Variants in NMRK1 observed in about 807,000 individuals in gnomAD.
NMRK1 encodes the protein nicotinamide riboside kinase 1, also known as NRK 1.
NMRK1 carries 28 observed loss-of-function variants against 29.9 expected under a neutral mutation model. The observed-to-expected ratio is 0.94, with a 90% CI of 0.69 to 1.28. NMRK1 has a LOEUF of 1.28. NMRK1 is among the 50% of genes most tolerant of loss of function. NMRK1 has a pLI of 0.00. For synonymous variants in NMRK1, 58 were observed against 73.0 expected (o/e 0.79, Z 1.05); for missense variants, 218 against 233.1 (o/e 0.94, Z 0.42).
rs184820303 is a variant in NMRK1 at position 75,070,014 on chromosome 9, C to A, written c.198G>T (p.Met66Ile). ...DVLEALNMEK[M>I]MSAISCWMES... ...CCATCCAGCAGGAAATGGCTGACATCATTTTTTCCATGTTAAGTGCTTCAA... is the reference window on the plus strand; with the variant it reads ...CCATCCAGCAGGAAATGGCTGACATAATTTTTTCCATGTTAAGTGCTTCAA... Residue 66 changes from methionine (M) to isoleucine (I), a missense_variant, in exon 5 of 9, where the codon ATG becomes ATT. Physicochemically the swap from Met to Ile is conservative, Grantham distance 10. Transcript: ENST00000361092. The A allele has an allele frequency of 5.0e-6, 8 of 1,613,498 alleles. No homozygotes were observed. Among genetic ancestry groups the A allele is most frequent in the South Asian group, 1.1e-5 (1 of 90,864 alleles).
chr9:75,061,656 G>T, intron 8 of NMRK1, 89 bp from the exon 9 acceptor site: 1 of 1,126,766 alleles, frequency 8.9e-7, no homozygotes, highest in Non-Finnish European at 1.3e-6. Flanking sequence ...ATCTAAGGAT[G>T]TTTAAATTAG....
intron 4 of NMRK1, among the ~76,000 whole-genome samples, chr9:75,076,584 T>G (rs1824001318): frequency 6.6e-6 from 1 of 152,222 alleles, no homozygotes; most frequent in Non-Finnish European, 1.5e-5. Context: ...GTTTTATTAT[T>G]TCATTTTAAA....
At chr9:75,065,412 G>C (rs1427120351) in intron 8 of NMRK1, among the ~76,000 whole-genome samples, 3 of 152,102 alleles carry the variant, frequency 2.0e-5, no homozygotes, top group African/African-American at 7.2e-5. Context: ...ATCATGATCT[G>C]TCTGCCTCGG....
intron 4 of NMRK1, among the ~76,000 whole-genome samples, chr9:75,076,793 A>G (rs1824014885): frequency 6.6e-6 from 1 of 152,050 alleles, no homozygotes; most frequent in African/African-American, 2.4e-5. Context: ...GAATCTCCCT[A>G]TGTTGCTCAG....
chr9:75,067,112 G>C, intron 7 of NMRK1: 1 of 288,184 alleles, frequency 3.5e-6, no homozygotes, highest in Non-Finnish European at 6.5e-6. Flanking sequence ...AAGAAAGGAG[G>C]AAAGAAACAG....
rs760017002 is a variant in NMRK1 at position 75,069,750 on chromosome 9, C to G, written c.381G>C (p.Arg127Ser). The change falls in exon 6 of 9, where the codon AGG (arginine) becomes AGC (serine). Residue 127 changes from arginine (R) to serine (S), a missense_variant. Arg to Ser is a moderately radical substitution (Grantham distance 110). Transcript: ENST00000361092. The part of the protein sequence containing the change: ...FLTIPYEECK[R>S]RRSTRVYQPP... The stretch of plus-strand genomic sequence containing the variant: ...ATGGCTTCAAAACTTACCTCCTCCT[C>G]CTTTTACATTCTTCATATGGAATAG... The G allele has an allele frequency of 2.4e-5, 39 of 1,610,438 alleles. No individual in the cohort carries two copies. The highest frequency in any genetic ancestry group is 2.0e-4 in the East Asian group (9 of 44,870).
intron 6 of NMRK1, chr9:75,069,418 T>C (rs1000245505): frequency 2.1e-6 from 1 of 468,666 alleles, no homozygotes; most frequent in East Asian, 3.9e-5. Flanking sequence ...GATTAAGCTT[T>C]GAACTAATTG....
intron 2 of NMRK1, chr9:75,078,226 C>G: frequency 6.7e-7 from 1 of 1,503,504 alleles, no homozygotes. Flanking sequence ...ATGAGTAGCA[C>G]ATTTTAGTGC....
chr9:75,067,288 C>G lies in NMRK1; in HGVS notation c.497-448G>C, dbSNP rs531087894. The G allele has an allele frequency of 1.0e-3, 159 of 156,108 alleles. 1 individual carries two copies. The highest frequency in any genetic ancestry group is 3.8e-3 in the African/African-American group (156 of 41,502). The allele number at this position is 156,108 out of a possible 1,614,324, so 9.7% of individuals were successfully genotyped here. ...GGGATCTGCAACATATGTACAAACT[C>G]AGAATTCACCAGGCTCAGAAAATAT... is the stretch of plus-strand genomic sequence containing the variant. On this transcript the variant is annotated intron_variant, in intron 7 of 8. Coordinates refer to ENST00000361092, the MANE Select transcript of NMRK1 (RefSeq NM_017881.3).
intron 1 of NMRK1, among the ~76,000 whole-genome samples, chr9:75,087,151 C>A (rs1824704046): frequency 6.6e-6 from 1 of 152,088 alleles, no homozygotes; most frequent in South Asian, 2.1e-4. Flanking sequence ...GTGATCCACC[C>A]GCCTTGCCCT....
At chr9:75,068,139 C>T (rs1253442439) in intron 7 of NMRK1, among the ~76,000 whole-genome samples, 1 of 152,122 alleles carries the variant, frequency 6.6e-6, no homozygotes, top group Non-Finnish European at 1.5e-5. Context: ...TGTCATCTTC[C>T]CGCCCCCTCC....
Position 75,066,767 on chromosome 9 carries a change from T to G in NMRK1, c.570A>C (p.Ala190=). 2 of 1,590,898 alleles carry G rather than the reference T, an allele frequency of 1.3e-6. No individual in the cohort carries two copies. Among genetic ancestry groups the G allele is most frequent in the Non-Finnish European group, 1.7e-6 (2 of 1,158,862 alleles). ...TAGCACAATACTTACACTTTTGCTTTGCTAGTTCTTGTATTAGATCTTCAT... is the reference window on the plus strand; with the variant it reads ...TAGCACAATACTTACACTTTTGCTTGGCTAGTTCTTGTATTAGATCTTCAT... ...QVYEDLIQEL[A]KQKCLQVTA is the part of the protein sequence containing the mutation. Residue 190 remains alanine (A), a synonymous_variant, in exon 8 of 9, where the codon GCA becomes GCC. Transcript: ENST00000361092.
intron 8 of NMRK1, among the ~76,000 whole-genome samples, chr9:75,062,913 T>A (rs551482829): frequency 6.6e-6 from 1 of 152,232 alleles, no homozygotes; most frequent in South Asian, 2.1e-4. Flanking sequence ...GTACCTGTAA[T>A]CCCAGCTACT....
intron 7 of NMRK1, among the ~76,000 whole-genome samples, chr9:75,067,491 G>A (rs1003837002): frequency 6.6e-6 from 1 of 152,222 alleles, no homozygotes; most frequent in Non-Finnish European, 1.5e-5. Context: ...AGAGGCAAGA[G>A]CACTGATGCA....
chr9:75,068,887 TG>T (rs994019461), intron 7 of NMRK1, 108 bp downstream of exon 7: 1 of 641,698 alleles, frequency 1.6e-6, no homozygotes, highest in Admixed American at 2.9e-5. Context: ...AAGCCCAGAG[TG>T]TTCTTGCTTA....
chr9:75,078,532 CT>C, intron 2 of NMRK1: 2 of 1,289,174 alleles, frequency 1.6e-6, no homozygotes, highest in South Asian at 5.4e-5. Flanking sequence ...GAGGGAGGCA[CT>C]TCTCGATTCA....
chr9:75,083,294 C>G (rs970839312), intron 1 of NMRK1, 144 bp from the exon 2 acceptor site: 1 of 618,428 alleles, frequency 1.6e-6, no homozygotes, highest in Non-Finnish European at 2.9e-6. Context: ...TCCACATTCC[C>G]GCCGCACTGG....
At chr9:75,081,098 T>A (rs955781897) in intron 2 of NMRK1, among the ~76,000 whole-genome samples, 1 of 152,362 alleles carries the variant, frequency 6.6e-6, no homozygotes, top group Admixed American at 6.5e-5. Flanking sequence ...GCCCCCTGAA[T>A]TCCTTCAGAA....
rs78374365 is a variant in NMRK1, at chr9:75,079,214, C to T, written c.30-1634G>A. 1.4e-3 allele frequency among the ~76,000 whole-genome samples: 211 copies of T among 152,276 alleles called. 1 individual carries two copies. The highest frequency in any genetic ancestry group is 2.2e-3 in the Non-Finnish European group (153 of 68,024). On this transcript the variant is annotated intron_variant, in intron 2 of 8. Coordinates refer to ENST00000361092, the MANE Select transcript of NMRK1 (RefSeq NM_017881.3). ...CTGATTCACAAGATTTCTCATGTAA[C>T]CTTACGATATACAATTGGGTAGGAT...
Sources: allele counts gnomAD v4.1 joint callset (sites outside exome capture counted in the v4.1 genomes callset), GRCh38; gene constraint gnomAD v4.1.1; transcripts MANE v1.5; gene names NCBI Gene and HGNC (gene_info 2026-07-23, HGNC 2026-07-21).